APBA1: variants seen among roughly 807,000 people sequenced by gnomAD.
APBA1 encodes amyloid-beta A4 precursor protein-binding family A member 1.
Under a neutral mutation model 86.6 loss-of-function variants are expected in APBA1, and 55 were observed. That is an observed-to-expected ratio of 0.64 (90% confidence interval 0.51 to 0.80). APBA1 has a LOEUF of 0.80. Ranked by LOEUF, APBA1 falls within the 30% of genes least tolerant of loss-of-function variation. APBA1 has a pLI of 0.00. For missense variants in APBA1, 1,090 were observed against 1,183.0 expected (o/e 0.92, Z 1.15); for synonymous variants, 511 against 493.9 (o/e 1.03, Z -0.46).
intron 1 of APBA1, among the ~76,000 whole-genome samples, chr9:69,648,751 A>G (rs1823438616): frequency 6.6e-6 from 1 of 152,108 alleles, no homozygotes; most frequent in African/African-American, 2.4e-5. Flanking sequence ...TTAAGCATCC[A>G]TATGGATTAG....
chr9:69,528,002 G>A (rs1272029576), intron 1 of APBA1, among the ~76,000 whole-genome samples: 1 of 152,110 alleles, frequency 6.6e-6, no homozygotes, highest in Non-Finnish European at 1.5e-5. Context: ...AGATGAAGAT[G>A]TGCATCAAAC....
At chr9:69,458,603 A>T (rs565084410) in intron 5 of APBA1, among the ~76,000 whole-genome samples, 1 of 152,132 alleles carries the variant, frequency 6.6e-6, no homozygotes, top group Non-Finnish European at 1.5e-5. Flanking sequence ...ATGGCTTTTC[A>T]AACTTTATTC....
At chr9:69,528,455 G>A (rs2133903486) in intron 1 of APBA1, among the ~76,000 whole-genome samples, 1 of 152,198 alleles carries the variant, frequency 6.6e-6, no homozygotes, top group Non-Finnish European at 1.5e-5. Context: ...CTGAAACTCA[G>A]AGGGGAGATC....
chr9:69,449,907 G>A, intron 9 of APBA1, 111 bp from the exon 10 acceptor site: 1 of 897,662 alleles, frequency 1.1e-6, no homozygotes, highest in Non-Finnish European at 1.7e-6. Context: ...ACTTCCCTGG[G>A]GACACCAACC....
At chr9:69,476,206 G>T in intron 2 of APBA1, 63 bp from the exon 3 acceptor site, 1 of 1,237,968 alleles carries the variant, frequency 8.1e-7, no homozygotes, top group African/African-American at 1.5e-5. Flanking sequence ...CTTGGCTGGG[G>T]GAAAGGGGCC....
At chr9:69,495,942 C>T (rs1451335980) in intron 2 of APBA1, among the ~76,000 whole-genome samples, 1 of 152,060 alleles carries the variant, frequency 6.6e-6, no homozygotes, top group Admixed American at 6.5e-5. Context: ...CAGCCTCATG[C>T]TGCAGTCTGA....
chr9:69,636,922 G>GGAAGGAAAGAAGGAAGGAAA (rs1331913719), intron 1 of APBA1, among the ~76,000 whole-genome samples: 5 of 63,968 alleles, frequency 7.8e-5, no homozygotes, highest in African/African-American at 2.7e-4. Flanking sequence ...AAGGAAGGAA[G>GGAAGGAAAGAAGGAAGGAAA]GAAAGAAAGA....
chr9:69,476,026 T>C, intron 3 of APBA1, 22 bp downstream of exon 3: 1 of 1,603,218 alleles, frequency 6.2e-7, no homozygotes, highest in South Asian at 1.1e-5. Context: ...CCAATGGCTT[T>C]GGTAACAAAA....
intron 1 of APBA1, among the ~76,000 whole-genome samples, chr9:69,530,323 TATATATACACAC>T (rs1245220106): frequency 7.7e-5 from 9 of 116,182 alleles, no homozygotes; most frequent in South Asian, 2.8e-4. Context: ...TATATATATA[TATATATACACAC>T]ACACACACAC....
At chr9:69,578,140 G>T (rs1380313697) in intron 1 of APBA1, among the ~76,000 whole-genome samples, 1 of 152,162 alleles carries the variant, frequency 6.6e-6, no homozygotes, top group African/African-American at 2.4e-5. Context: ...GCCAAATTAG[G>T]ACATCCCAGC....
At chr9:69,643,869 T>A (rs1428760258) in intron 1 of APBA1, among the ~76,000 whole-genome samples, 1 of 152,220 alleles carries the variant, frequency 6.6e-6, no homozygotes, top group Non-Finnish European at 1.5e-5. Context: ...AATACCATTG[T>A]AGTACCCACT....
chr9:69,517,602 T>C lies in APBA1; in HGVS notation c.-69-323A>G, dbSNP rs1001998690. ...CATCTGAATAAAGAGTACTACTAAA[T>C]TGAATGGGCCAACTGACACATTTTC... On this transcript the variant is annotated intron_variant, in intron 1 of 12. Coordinates refer to ENST00000265381, the MANE Select transcript of APBA1 (RefSeq NM_001163.4). Among the ~76,000 whole-genome samples, 3 of 152,190 alleles carry C rather than the reference T, an allele frequency of 2.0e-5. No individual in the cohort carries two copies. The South Asian group carries it at 6.2e-4, about 32-fold the overall frequency.
At chr9:69,622,588 A>AG (rs1365153729) in intron 1 of APBA1, among the ~76,000 whole-genome samples, 1 of 151,512 alleles carries the variant, frequency 6.6e-6, no homozygotes, top group Non-Finnish European at 1.5e-5. Context: ...TAAGAAAAAA[A>AG]AAAGAAACAA....
At chr9:69,553,471 T>C (rs1271232393) in intron 1 of APBA1, among the ~76,000 whole-genome samples, 1 of 152,234 alleles carries the variant, frequency 6.6e-6, no homozygotes, top group African/African-American at 2.4e-5. Flanking sequence ...TCTTAGAGTA[T>C]ATACTCTTTT....
chr9:69,525,485 C>T (rs1836327691), intron 1 of APBA1, among the ~76,000 whole-genome samples: 1 of 151,884 alleles, frequency 6.6e-6, no homozygotes, highest in Non-Finnish European at 1.5e-5. Flanking sequence ...TTTCAAATAC[C>T]TGTGCCCCCC....
chr9:69,582,232 T>C (rs1305780330), intron 1 of APBA1, among the ~76,000 whole-genome samples: 1 of 152,198 alleles, frequency 6.6e-6, no homozygotes, highest in Non-Finnish European at 1.5e-5. Flanking sequence ...TAATTTGTTT[T>C]CTGATTTAAA....
At chr9:69,582,506 T>C (rs1449209372) in intron 1 of APBA1, among the ~76,000 whole-genome samples, 1 of 152,206 alleles carries the variant, frequency 6.6e-6, no homozygotes, top group Non-Finnish European at 1.5e-5. Flanking sequence ...TGCTACTCTT[T>C]CCTCTGGCTC....
At chr9:69,605,337 C>T (rs1456481191) in intron 1 of APBA1, among the ~76,000 whole-genome samples, 2 of 152,154 alleles carry the variant, frequency 1.3e-5, no homozygotes, top group South Asian at 2.1e-4. Context: ...ATTATAAATA[C>T]CTTGTTTCAA....
At chr9:69,671,970 CGCTA>C (rs1823958881) in intron 1 of APBA1, among the ~76,000 whole-genome samples, 179 bp downstream of exon 1, 1 of 152,226 alleles carries the variant, frequency 6.6e-6, no homozygotes, top group Non-Finnish European at 1.5e-5. Context: ...TCCCCCGCCT[CGCTA>C]GCTGATGGTT....
Sources: gnomAD v4.1 joint callset for allele counts (sites outside exome capture counted in the v4.1 genomes callset) on GRCh38, gnomAD v4.1.1 for gene constraint, MANE v1.5 for transcripts, NCBI Gene and HGNC (gene_info 2026-07-23, HGNC 2026-07-21) for gene names.